The following GPHN variants were observed in gnomAD, a reference collection of about 807,000 sequenced individuals.
The protein encoded by GPHN is gephyrin.
GPHN carries 17 observed loss-of-function variants against 95.5 expected under a neutral mutation model. That is an observed-to-expected ratio of 0.18 (90% CI 0.12 to 0.27). The LOEUF is 0.27. Ranked by LOEUF, GPHN falls within the 10% of genes least tolerant of loss-of-function variation. The pLI is 1.00. For synonymous variants in GPHN, 320 were observed against 322.5 expected, an observed-to-expected ratio of 0.99 and a Z score of 0.08; for missense variants, 660 against 978.1, an observed-to-expected ratio of 0.67 and a Z score of 4.34.
At chr14:67,062,137 T>A (rs2153651568) in intron 11 of GPHN, among the ~76,000 whole-genome samples, 1 of 152,302 alleles carries the variant, frequency 6.6e-6, no homozygotes, top group Middle Eastern at 3.4e-3. Flanking sequence ...TGAATTGTCA[T>A]AAGTAAAATA....
chr14:66,636,022 ATTTG>A (rs542174179), intron 1 of GPHN, among the ~76,000 whole-genome samples: 16 of 152,200 alleles, frequency 1.1e-4, no homozygotes, highest in African/African-American at 3.6e-4. Context: ...CTTTTCAAAG[ATTTG>A]TTTAATGTGT....
At chr14:67,692,334 T>C in the GPHN span, 2 of 1,280,310 alleles carry the variant, frequency 1.6e-6, no homozygotes, top group Non-Finnish European at 2.2e-6. Flanking sequence ...TTTGGCTATA[T>C]TTTATCCACC....
chr14:67,444,695 G>A, the GPHN span, among the ~76,000 whole-genome samples: 38 of 152,336 alleles, frequency 2.5e-4, no homozygotes, highest in Non-Finnish European at 5.0e-4. Flanking sequence ...TTAGAAGGTG[G>A]GAACTTTCAG....
At chr14:66,957,965 C>T (rs999587263) in intron 8 of GPHN, among the ~76,000 whole-genome samples, 3 of 152,144 alleles carry the variant, frequency 2.0e-5, no homozygotes, top group Non-Finnish European at 4.4e-5. Flanking sequence ...ACAGTTTTAT[C>T]CAAACCATCC....
At chr14:67,558,769 AG>A in the GPHN span, among the ~76,000 whole-genome samples, 1 of 152,354 alleles carries the variant, frequency 6.6e-6, no homozygotes, top group East Asian at 1.9e-4. Flanking sequence ...AAACCAGGTC[AG>A]GGTTGGCCGA....
the GPHN span, among the ~76,000 whole-genome samples, chr14:67,249,482 T>C: frequency 6.6e-6 from 1 of 152,254 alleles, no homozygotes; most frequent in Non-Finnish European, 1.5e-5. Context: ...AGATACTTAA[T>C]AAATATTCAC....
chr14:66,896,879 C>G (rs2064881266), intron 5 of GPHN, among the ~76,000 whole-genome samples: 1 of 151,904 alleles, frequency 6.6e-6, no homozygotes, highest in African/African-American at 2.4e-5. Flanking sequence ...AATACGAATT[C>G]CCAGAACATC....
At chr14:66,646,134 C>T (rs1248258160) in intron 1 of GPHN, among the ~76,000 whole-genome samples, 1 of 151,960 alleles carries the variant, frequency 6.6e-6, no homozygotes, top group African/African-American at 2.4e-5. Flanking sequence ...TAAAATTGGG[C>T]AAGGACTTGA....
At position 66,508,421 on chromosome 14, in the gene GPHN, T is replaced by C; in HGVS notation, c.-107T>C. 4 of 981,874 alleles carry C rather than the reference T, an allele frequency of 4.1e-6. No individual in the cohort carries two copies. The highest frequency in any genetic ancestry group is 1.3e-5 in the South Asian group (1 of 78,522). The allele number at this position is 981,874 out of a possible 1,614,324, so 60.8% of individuals were successfully genotyped here. On this transcript the variant is annotated 5_prime_UTR_variant, in exon 1 of 23. Coordinates refer to ENST00000478722, the MANE Select transcript of GPHN (RefSeq NM_020806.5). ...CTTCCCCGCTCTCCTCGCGCTTCTCTGGCTCCCTAGCTGTCGCGCTCTCCT... is the reference window on the plus strand; with the variant it reads ...CTTCCCCGCTCTCCTCGCGCTTCTCCGGCTCCCTAGCTGTCGCGCTCTCCT...
At chr14:66,898,451 C>T (rs1290578214) in intron 5 of GPHN, among the ~76,000 whole-genome samples, 1 of 132,188 alleles carries the variant, frequency 7.6e-6, no homozygotes, top group Non-Finnish European at 1.5e-5. Context: ...ACCACTTGCT[C>T]CAGTGCTACT....
chr14:66,640,344 C>T (rs936428645), intron 1 of GPHN, among the ~76,000 whole-genome samples: 1 of 152,132 alleles, frequency 6.6e-6, no homozygotes, highest in African/African-American at 2.4e-5. Context: ...ATCACTTGAA[C>T]CTTGGAGGCA....
At chr14:66,843,066 T>TA (rs141936399) in intron 4 of GPHN, among the ~76,000 whole-genome samples, 6,698 of 152,186 alleles carry the variant, frequency 0.044, 187 homozygotes, top group Middle Eastern at 0.068. Flanking sequence ...GCTATTACAC[T>TA]ACCCAACTGC....
chr14:67,249,242 G>A, the GPHN span, among the ~76,000 whole-genome samples: 5 of 152,178 alleles, frequency 3.3e-5, no homozygotes, highest in East Asian at 1.9e-4. Flanking sequence ...GATTACAGGC[G>A]TGGGCCACCA....
the GPHN span, among the ~76,000 whole-genome samples, chr14:67,680,203 C>A: frequency 1.3e-5 from 2 of 152,208 alleles, no homozygotes; most frequent in Non-Finnish European, 2.9e-5. Flanking sequence ...GTCACGTTTA[C>A]AAAACAAGTC....
chr14:66,669,697 A>T (rs192427175), intron 1 of GPHN, among the ~76,000 whole-genome samples: 2 of 151,796 alleles, frequency 1.3e-5, no homozygotes, highest in East Asian at 3.9e-4. Flanking sequence ...TGTTTCTTTC[A>T]TTCTAGTATT....
the GPHN span, chr14:67,589,669 T>C: frequency 4.0e-6 from 4 of 990,652 alleles, no homozygotes; most frequent in African/African-American, 5.2e-5. Flanking sequence ...GGCTTGTTTT[T>C]TTCGTAACTT....
the GPHN span, chr14:67,392,421 T>C: frequency 6.2e-7 from 1 of 1,611,720 alleles, no homozygotes; most frequent in Non-Finnish European, 8.5e-7. Flanking sequence ...TTTTTGTAGC[T>C]CTCAGCCTAG....
At chr14:66,951,528 A>T (rs1475351470) in intron 8 of GPHN, among the ~76,000 whole-genome samples, 5 of 151,942 alleles carry the variant, frequency 3.3e-5, no homozygotes, top group Non-Finnish European at 5.9e-5. Flanking sequence ...AAAAAAAAAA[A>T]AAAGGAAGGG....
At chr14:67,667,213 A>C in the GPHN span, among the ~76,000 whole-genome samples, 1 of 152,352 alleles carries the variant, frequency 6.6e-6, no homozygotes, top group African/African-American at 2.4e-5. Flanking sequence ...CAAGGTGGGC[A>C]GCCTCTCTTC....
Sources: allele counts gnomAD v4.1 joint callset (sites outside exome capture counted in the v4.1 genomes callset), GRCh38; gene constraint gnomAD v4.1.1; transcripts MANE v1.5; gene names NCBI Gene and HGNC (gene_info 2026-07-23, HGNC 2026-07-21).